NEGR1: variants seen among roughly 807,000 people sequenced by gnomAD.
NEGR1 encodes neuronal growth regulator 1, also known as IgLON family member 4.
NEGR1 carries 10 observed loss-of-function variants against 40.9 expected under a neutral mutation model. The observed-to-expected ratio is 0.24, with a 90% confidence interval of 0.15 to 0.42. The LOEUF is 0.42. Ranked by LOEUF, NEGR1 falls within the 10% of genes least tolerant of loss-of-function variation. The probability of loss-of-function intolerance (pLI) is 1.00; values close to 1 mark genes in which losing one functional copy is unlikely to be tolerated. For synonymous variants in NEGR1, 185 were observed against 166.8 expected (o/e 1.11, Z -0.84); for missense variants, 352 against 438.9 (o/e 0.80, Z 1.77).
At chr1:71,767,425 A>G (rs1656170491) in intron 3 of NEGR1, among the ~76,000 whole-genome samples, 1 of 152,134 alleles carries the variant, frequency 6.6e-6, no homozygotes, top group African/African-American at 2.4e-5. Context: ...GAGAATGATG[A>G]TTTAGGGTAT....
At chr1:71,593,938 G>A (rs1356464507) in intron 5 of NEGR1, among the ~76,000 whole-genome samples, 2 of 152,018 alleles carry the variant, frequency 1.3e-5, no homozygotes, top group African/African-American at 2.4e-5. Flanking sequence ...ATATATACAA[G>A]TCTTTTCAAA....
intron 6 of NEGR1, among the ~76,000 whole-genome samples, chr1:71,433,383 G>A (rs959813624): frequency 1.4e-4 from 22 of 152,180 alleles, no homozygotes; most frequent in African/African-American, 4.1e-4. Flanking sequence ...ACCAGTTACT[G>A]TGCTTCACAC....
chr1:71,996,065 C>G (rs1646502024), intron 1 of NEGR1, among the ~76,000 whole-genome samples: 1 of 152,072 alleles, frequency 6.6e-6, no homozygotes, highest in Non-Finnish European at 1.5e-5. Flanking sequence ...TAATAGTACA[C>G]ACCACATTGG....
At chr1:71,635,126 C>T (rs1424661453) in intron 4 of NEGR1, among the ~76,000 whole-genome samples, 2 of 151,912 alleles carry the variant, frequency 1.3e-5, no homozygotes, top group Admixed American at 1.3e-4. Context: ...TCAAGGGGAA[C>T]ACAGGATAAT....
At chr1:71,579,508 T>C (rs1649062782) in intron 6 of NEGR1, among the ~76,000 whole-genome samples, 1 of 152,218 alleles carries the variant, frequency 6.6e-6, no homozygotes, top group African/African-American at 2.4e-5. Flanking sequence ...CAAATGTGTT[T>C]TCTTCCTTTA....
intron 1 of NEGR1, among the ~76,000 whole-genome samples, chr1:72,112,434 T>C (rs76624408): frequency 0.044 from 6,681 of 151,810 alleles, 493 homozygotes; most frequent in African/African-American, 0.15. Flanking sequence ...ACATTTTATT[T>C]TATAATATCC....
intron 1 of NEGR1, among the ~76,000 whole-genome samples, chr1:72,153,734 G>A (rs1286878417): frequency 6.6e-6 from 1 of 151,682 alleles, no homozygotes; most frequent in African/African-American, 2.4e-5. Context: ...AACAGAACCT[G>A]GATGAATAAT....
intron 1 of NEGR1, among the ~76,000 whole-genome samples, chr1:72,190,988 ACT>A (rs1237237234): frequency 1.3e-5 from 2 of 151,188 alleles, no homozygotes; most frequent in South Asian, 2.1e-4. Context: ...GGTTTTTGAC[ACT>A]CTGAACCATG....
chr1:71,742,320 ATG>A (rs1655238256), intron 3 of NEGR1, among the ~76,000 whole-genome samples: 1 of 152,094 alleles, frequency 6.6e-6, no homozygotes, highest in African/African-American at 2.4e-5. Flanking sequence ...AGCCCTGGGA[ATG>A]TGACCCTCAC....
chr1:72,195,841 T>C (rs899737242), intron 1 of NEGR1, among the ~76,000 whole-genome samples: 1 of 152,014 alleles, frequency 6.6e-6, no homozygotes, highest in East Asian at 1.9e-4. Context: ...GTACTAAAAA[T>C]TAACACCAAG....
intron 1 of NEGR1, among the ~76,000 whole-genome samples, chr1:72,140,735 T>G (rs1385919): frequency 0.16 from 24,738 of 151,988 alleles, 2,280 homozygotes; most frequent in African/African-American, 0.21. Flanking sequence ...TAAATGTTAG[T>G]GAAGAATATA....
chr1:71,900,133 A>C (rs1661104927), intron 2 of NEGR1, among the ~76,000 whole-genome samples: 1 of 152,170 alleles, frequency 6.6e-6, no homozygotes, highest in African/African-American at 2.4e-5. Flanking sequence ...GGTCCTATGT[A>C]GTTTATTTGG....
chr1:72,070,692 A>G (rs984716252), intron 1 of NEGR1, among the ~76,000 whole-genome samples: 1 of 151,988 alleles, frequency 6.6e-6, no homozygotes, highest in African/African-American at 2.4e-5. Context: ...CCCTGACTCC[A>G]CCATAAAGTC....
chr1:71,878,970 C>G (rs550575101), intron 2 of NEGR1, among the ~76,000 whole-genome samples: 2 of 151,962 alleles, frequency 1.3e-5, no homozygotes, highest in Non-Finnish European at 2.9e-5. Context: ...CCCGTCTCTA[C>G]TAAAAATATA....
At chr1:71,763,092 A>C (rs1656000908) in intron 3 of NEGR1, among the ~76,000 whole-genome samples, 1 of 152,164 alleles carries the variant, frequency 6.6e-6, no homozygotes, top group Admixed American at 6.6e-5. Flanking sequence ...AATACAAGAA[A>C]GATCTTTGTG....
chr1:72,070,290 A>T (rs1004225991), intron 1 of NEGR1, among the ~76,000 whole-genome samples: 12 of 151,952 alleles, frequency 7.9e-5, no homozygotes, highest in Non-Finnish European at 4.4e-5. Flanking sequence ...ATTATAGCTT[A>T]ATGTTTCTTT....
At chr1:71,921,578 T>C (rs551503621) in intron 2 of NEGR1, among the ~76,000 whole-genome samples, 174 of 151,162 alleles carry the variant, frequency 1.2e-3, no homozygotes, top group Non-Finnish European at 2.0e-3. Context: ...ATTTTCTTAA[T>C]AACATTTTCT....
chr1:71,964,313 C>T (rs1412069519), intron 1 of NEGR1, among the ~76,000 whole-genome samples: 1 of 152,058 alleles, frequency 6.6e-6, no homozygotes, highest in East Asian at 1.9e-4. Flanking sequence ...GTTGAAATGA[C>T]GAGGCAGGAA....
chr1:71,953,228 C>T (rs150240012), intron 1 of NEGR1, among the ~76,000 whole-genome samples: 5 of 152,046 alleles, frequency 3.3e-5, no homozygotes, highest in African/African-American at 4.8e-5. Flanking sequence ...TAAGTTAAAC[C>T]GCCTGGAAAG....
Sources: allele counts gnomAD v4.1 joint callset (sites outside exome capture counted in the v4.1 genomes callset), GRCh38; gene constraint gnomAD v4.1.1; transcripts MANE v1.5; gene names NCBI Gene and HGNC (gene_info 2026-07-23, HGNC 2026-07-21).